The following DNMT1 variants were observed in gnomAD, a reference collection of about 807,000 sequenced individuals.
DNMT1 encodes the protein DNA (cytosine-5)-methyltransferase 1.
DNMT1 carries 24 observed loss-of-function variants against 205.3 expected under a neutral mutation model. The observed-to-expected ratio is 0.12, with a 90% CI of 0.08 to 0.16. The LOEUF is 0.16. DNMT1 is among the 10% of genes least tolerant of loss of function. DNMT1 has a pLI of 1.00. For synonymous variants in DNMT1, 817 were observed against 839.8 expected (o/e 0.97, Z 0.47); for missense variants, 1,293 against 2,177.7 (o/e 0.59, Z 8.09).
chr19:10,137,006 C>G lies in DNMT1; in HGVS notation c.4489+79G>C, dbSNP rs1475467460. ...GTGTGTCTGTGCCCTGCCCTGGCCTCCAGGTTCACAGGCCAAAGGCCCAGG... is the reference window on the plus strand; with the variant it reads ...GTGTGTCTGTGCCCTGCCCTGGCCTGCAGGTTCACAGGCCAAAGGCCCAGG... On this transcript the variant is annotated intron_variant, in intron 37 of 40. Transcript: ENST00000359526. This position sits in a 1 kb window ranked among gnomAD's most constrained non-coding sequence, Gnocchi z 6.4. The G allele has an allele frequency of 1.0e-5, 16 of 1,547,322 alleles. No homozygotes were observed. Among genetic ancestry groups the G allele is most frequent in the Non-Finnish European group, 1.3e-5 (15 of 1,140,306 alleles).
At position 10,134,296 on chromosome 19, in the gene DNMT1, G is replaced by C; in HGVS notation, c.4785C>G (p.Ala1595=). 11 of 1,614,052 alleles carry C rather than the reference G, an allele frequency of 6.8e-6. No individual in the cohort carries two copies. The highest frequency in any genetic ancestry group is 9.3e-6 in the Non-Finnish European group (11 of 1,180,026). Reference sequence around the variant, plus strand: ...TGGCTTTGGCCAGGGGCGGTGGCACGGCATTGCCCACCTGCAGGAGGGGAG... The same window carrying C: ...TGGCTTTGGCCAGGGGCGGTGGCACCGCATTGCCCACCTGCAGGAGGGGAG... The part of the protein sequence containing the change: ...ILDKHRQVGN[A]VPPPLAKAIG... Residue 1595 remains alanine (A), a synonymous_variant, in exon 40 of 41, where the codon GCC becomes GCG. Coordinates refer to ENST00000359526, the MANE Select transcript of DNMT1 (RefSeq NM_001130823.3).
At chr19:10,179,220 G>C (rs558019206) in intron 5 of DNMT1, among the ~76,000 whole-genome samples, 1 of 151,858 alleles carries the variant, frequency 6.6e-6, no homozygotes, top group African/African-American at 2.4e-5. Flanking sequence ...AGGCATATAA[G>C]GTCTTAGAAG....
chr19:10,174,033 C>A lies in DNMT1; in HGVS notation c.649-128G>T, dbSNP rs949466790. On this transcript the variant is annotated intron_variant, in intron 7 of 40. Coordinates refer to ENST00000359526, the MANE Select transcript of DNMT1 (RefSeq NM_001130823.3). ...AGAGCAAGAGTGGGAAAAGAAGGGG[C>A]CTGGGTTTTGGGGAGAAGATCTGAG... The A allele has an allele frequency of 1.1e-5, 11 of 963,354 alleles. No individual in the cohort carries two copies. In the Admixed American group the frequency reaches 2.2e-4, roughly 19 times the overall value. 59.7% of individuals were successfully genotyped at this position (963,354 alleles called of 1,614,324 possible).
intron 9 of DNMT1, 120 bp downstream of exon 9, chr19:10,172,970 C>T (rs149370293): frequency 6.4e-4 from 754 of 1,185,034 alleles, no homozygotes; most frequent in Non-Finnish European, 8.9e-4. Flanking sequence ...ATTTCGATCA[C>T]TAGCAAAACC....
chr19:10,155,486 C>T (rs1447379841), intron 19 of DNMT1, among the ~76,000 whole-genome samples: 1 of 152,054 alleles, frequency 6.6e-6, no homozygotes, highest in African/African-American at 2.4e-5. Context: ...TACAGGTATG[C>T]ACCACCATGC....
In DNMT1 at chr19:10,159,838, G is replaced by A. The variant is rs772021376; in HGVS notation, c.1170+4C>T. ...AGGAAGGCTGGGAAGAGAGCTGTAC[G>A]TACCGCGTCTGGTGGGTGCTGCCCA... On this transcript the variant is annotated splice_donor_region_variant and intron_variant, in intron 16 of 40. Coordinates refer to ENST00000359526, the MANE Select transcript of DNMT1 (RefSeq NM_001130823.3). This position sits in a 1 kb window ranked among gnomAD's most constrained non-coding sequence, Gnocchi z 5.0. 5.0e-6 allele frequency: 8 copies of A among 1,614,174 alleles called. No homozygotes were observed. The highest frequency in any genetic ancestry group is 4.5e-5 in the East Asian group (2 of 44,878).
At chr19:10,170,487 A>G (rs2038794108) in intron 9 of DNMT1, among the ~76,000 whole-genome samples, 1 of 152,078 alleles carries the variant, frequency 6.6e-6, no homozygotes, top group Non-Finnish European at 1.5e-5. Flanking sequence ...AAAAGTACAA[A>G]AAGTTAATTA....
intron 22 of DNMT1, among the ~76,000 whole-genome samples, chr19:10,153,399 C>T (rs1372554507): frequency 2.0e-5 from 3 of 151,916 alleles, no homozygotes; most frequent in Non-Finnish European, 4.4e-5. Context: ...TTTGGGAGGC[C>T]GAGGTAGGTA....
intron 27 of DNMT1, among the ~76,000 whole-genome samples, chr19:10,148,116 CAAA>C (rs35310173): frequency 7.8e-4 from 46 of 59,280 alleles, no homozygotes; most frequent in Middle Eastern, 0.017. Flanking sequence ...AACTCTGTCT[CAAA>C]AAAAAAAAAA....
chr19:10,194,305 C>T (rs2145416085), intron 1 of DNMT1, among the ~76,000 whole-genome samples: 1 of 152,332 alleles, frequency 6.6e-6, no homozygotes, highest in Non-Finnish European at 1.5e-5. Context: ...GGGTGACATC[C>T]GTCTCTGGAG....
At chr19:10,179,321 A>ATT (rs112064261) in intron 5 of DNMT1, among the ~76,000 whole-genome samples, 1 of 142,432 alleles carries the variant, frequency 7.0e-6, no homozygotes, top group Non-Finnish European at 1.5e-5. Flanking sequence ...CGAAAACAAC[A>ATT]TTTTTTTTTT....
Position 10,182,241 on chromosome 19 carries a change from G to A in DNMT1, c.81-164C>T, listed in dbSNP as rs535084586. 5.3e-5 allele frequency among the ~76,000 whole-genome samples: 8 copies of A among 152,174 alleles called. No individual in the cohort carries two copies. In the South Asian group the frequency reaches 1.7e-3, roughly 32 times the overall value. On this transcript the variant is annotated intron_variant, in intron 1 of 40. Coordinates refer to ENST00000359526, the MANE Select transcript of DNMT1 (RefSeq NM_001130823.3). ...TTGTCTCCCCGCAAGAGTCTAGAGT[G>A]TCCTACTGGAATGCCTAATGCTAAG... is the stretch of plus-strand genomic sequence containing the variant.
At chr19:10,194,727 A>AGCAGCG in intron 1 of DNMT1, 93 bp downstream of exon 1, 1 of 1,472,722 alleles carries the variant, frequency 6.8e-7, no homozygotes, top group African/African-American at 1.5e-5. Context: ...CCCGTCTGTC[A>AGCAGCG]GCAGCGGCCA....
intron 1 of DNMT1, among the ~76,000 whole-genome samples, chr19:10,185,136 T>C (rs2039153349): frequency 6.6e-6 from 1 of 152,096 alleles, no homozygotes; most frequent in South Asian, 2.1e-4. Context: ...GGAAAGACCA[T>C]TCTGTAGGGC....
rs2038462168 is a variant in DNMT1 at position 10,156,593 on chromosome 19, T to C, written c.1281-84A>G. On this transcript the variant is annotated intron_variant, in intron 17 of 40. Coordinates refer to ENST00000359526, the MANE Select transcript of DNMT1 (RefSeq NM_001130823.3). The surrounding 1 kb of genome is among the most constrained non-coding windows in gnomAD (Gnocchi z 4.2). ...AGACTTCAGATCAGGCACGAGGCAA[T>C]GAGAGAATGTACAAGTCTGACACTC... is the stretch of plus-strand genomic sequence containing the variant. 5.3e-6 allele frequency: 5 copies of C among 942,666 alleles called. No individual in the cohort carries two copies. The Admixed American group carries it at 8.6e-5, about 16-fold the overall frequency. 58.4% of individuals were successfully genotyped at this position (942,666 alleles called of 1,614,324 possible).
Position 10,148,811 on chromosome 19 carries a change from G to A in DNMT1, c.2720+73C>T, listed in dbSNP as rs1027805343. On this transcript the variant is annotated intron_variant, in intron 27 of 40. Transcript: ENST00000359526. ...GGCCGTTGGCGGAAGCCAACCAGACGGAAGCACACGGGAAAAGGGAGTGAT... is the reference window on the plus strand; with the variant it reads ...GGCCGTTGGCGGAAGCCAACCAGACAGAAGCACACGGGAAAAGGGAGTGAT... The A allele has an allele frequency of 7.7e-5, 124 of 1,611,372 alleles. No individual in the cohort carries two copies. In the Admixed American group the frequency reaches 1.2e-3, roughly 16 times the overall value.
intron 38 of DNMT1, 111 bp from the exon 39 acceptor site, chr19:10,135,963 T>A: frequency 1.4e-6 from 2 of 1,476,522 alleles, no homozygotes; most frequent in Non-Finnish European, 1.8e-6. Flanking sequence ...CCTTGGCCTA[T>A]GAGCTTGTCC....
intron 7 of DNMT1, among the ~76,000 whole-genome samples, chr19:10,174,417 G>A (rs1302916839): frequency 6.6e-6 from 1 of 151,778 alleles, no homozygotes; most frequent in Non-Finnish European, 1.5e-5. Flanking sequence ...CTGTCTCAAA[G>A]AAAAGAAAAG....
Position 10,133,488 on chromosome 19 carries a change from C to T in DNMT1, c.*179G>A, listed in dbSNP as rs1216574623. 7.2e-6 allele frequency: 5 copies of T among 693,938 alleles called. No individual in the cohort carries two copies. Among genetic ancestry groups the T allele is most frequent in the Non-Finnish European group, 1.2e-5 (5 of 401,900 alleles). 43.0% of individuals were successfully genotyped at this position (693,938 alleles called of 1,614,324 possible). On this transcript the variant is annotated 3_prime_UTR_variant, in exon 41 of 41. Coordinates refer to ENST00000359526, the MANE Select transcript of DNMT1 (RefSeq NM_001130823.3). This position sits in a 1 kb window ranked among gnomAD's most constrained non-coding sequence, Gnocchi z 4.1. ...AATCCAGAATGCACAAAGTACTGCA[C>T]AATTTGATCACTAAATCATTAGTTG...
Sources: gnomAD v4.1 joint callset for allele counts (sites outside exome capture counted in the v4.1 genomes callset) on GRCh38, gnomAD v4.1.1 for gene constraint, Gnocchi (gnomAD v3.1) non-coding constraint, MANE v1.5 for transcripts, NCBI Gene and HGNC (gene_info 2026-07-23, HGNC 2026-07-21) for gene names.